NXPH1: variants seen among roughly 807,000 people sequenced by gnomAD.
NXPH1 encodes neurexophilin 1.
In NXPH1, 5 loss-of-function variants were observed where a neutral mutation model predicts 23.7. That is an observed-to-expected ratio of 0.21 (90% CI 0.11 to 0.44). NXPH1 has a LOEUF of 0.44. Ranked by LOEUF, NXPH1 falls within the 20% of genes least tolerant of loss-of-function variation. The pLI, the probability that NXPH1 is intolerant of heterozygous loss-of-function variation, is 0.99. For missense variants in NXPH1, 324 were observed against 321.6 expected (o/e 1.01, Z -0.06); for synonymous variants, 144 against 122.2 (o/e 1.18, Z -1.18).
chr7:8,437,347 A>AT (rs554204847), intron 2 of NXPH1, among the ~76,000 whole-genome samples: 19 of 124,504 alleles, frequency 1.5e-4, no homozygotes, highest in African/African-American at 4.3e-4. Context: ...GAAATATAGA[A>AT]TTTTTTTATT....
chr7:8,706,611 G>C (rs1779711061), intron 2 of NXPH1, among the ~76,000 whole-genome samples: 1 of 152,144 alleles, frequency 6.6e-6, no homozygotes, highest in Admixed American at 6.5e-5. Context: ...GTTGTCAGTT[G>C]GCCTCTCTCC....
rs1816144122 is a variant in NXPH1 at position 8,434,022 on chromosome 7, G to C, written c.-844G>C. 1 of 152,218 alleles carries C rather than the reference G, an allele frequency of 6.6e-6. No homozygotes were observed. The highest frequency in any genetic ancestry group is 6.5e-5 in the Admixed American group (1 of 15,278). 9.4% of individuals were successfully genotyped at this position (152,218 alleles called of 1,614,324 possible). ...GCTCTGCGGAGAAACCACGACCACC[G>C]CGGCCGCCGGAAACCCAAAGCGCTC... On this transcript the variant is annotated 5_prime_UTR_variant, in exon 1 of 3. Transcript: ENST00000405863. The surrounding 1 kb of genome is among the most constrained non-coding windows in gnomAD (Gnocchi z 7.6).
At chr7:8,557,277 A>AAACAAC (rs56699161) in intron 2 of NXPH1, among the ~76,000 whole-genome samples, 37 of 151,104 alleles carry the variant, frequency 2.4e-4, no homozygotes, top group East Asian at 7.8e-4. Flanking sequence ...TTAAGTGTTA[A>AAACAAC]AACAACAACA....
Position 8,450,963 on chromosome 7 carries a change from GATTT to G in NXPH1, c.54+15203_54+15206del, listed in dbSNP as rs567173513. Among the ~76,000 whole-genome samples, 357 of 152,270 alleles carry G rather than the reference GATTT, an allele frequency of 2.3e-3. 1 individual carries two copies. Among genetic ancestry groups the G allele is most frequent in the Middle Eastern group, 0.01 (3 of 294 alleles). On this transcript the variant is annotated intron_variant, in intron 2 of 2. Transcript: ENST00000405863. The stretch of plus-strand genomic sequence containing the variant: ...ATAAACCTTTTAGCACTTCATTGTA[GATTT>G]ATTTATAGAATGTGTGCTTTCAACT...
At chr7:8,468,038 GATCC>G in intron 2 of NXPH1, among the ~76,000 whole-genome samples, 1 of 152,182 alleles carries the variant, frequency 6.6e-6, no homozygotes, top group Admixed American at 6.5e-5. Flanking sequence ...AAAAATTTGT[GATCC>G]ATCCATACTC....
intron 2 of NXPH1, among the ~76,000 whole-genome samples, chr7:8,615,575 T>G (rs1416849174): frequency 6.6e-6 from 1 of 152,064 alleles, no homozygotes; most frequent in Non-Finnish European, 1.5e-5. Context: ...ATTGCCTCAT[T>G]TTGGAACAAT....
At position 8,717,894 on chromosome 7, in the gene NXPH1, G is replaced by GTGTATA. The variant is rs71545892; in HGVS notation, c.55-33113_55-33112insGTATAT. Among the ~76,000 whole-genome samples the GTGTATA allele has an allele frequency of 2.1e-3, 306 of 147,174 alleles. 1 individual carries two copies. The highest frequency in any genetic ancestry group is 5.7e-3 in the African/African-American group (228 of 39,996). The stretch of plus-strand genomic sequence containing the variant: ...TGTGGGTGTATTCTTCTCTCTGTGT[G>GTGTATA]TATATATATATATATATACACAACA... On this transcript the variant is annotated intron_variant, in intron 2 of 2. Coordinates refer to ENST00000405863, the MANE Select transcript of NXPH1 (RefSeq NM_152745.3).
intron 2 of NXPH1, among the ~76,000 whole-genome samples, chr7:8,477,857 C>A (rs1386347972): frequency 1.3e-5 from 2 of 152,120 alleles, no homozygotes. Flanking sequence ...ACCACGTAAG[C>A]TGATTGTCCA....
Position 8,751,574 on chromosome 7 carries a change from C to T in NXPH1, c.621C>T (p.Asn207=). 1 of 1,613,484 alleles carries T rather than the reference C, an allele frequency of 6.2e-7. No individual in the cohort carries two copies. The highest frequency in any genetic ancestry group is 8.5e-7 in the Non-Finnish European group (1 of 1,179,712). The part of the protein sequence containing the change: ...EYEKVDKATK[N]TLCNYDPSKT... ...AAAAGGTTGACAAGGCTACCAAGAA[C>T]ACACTCTGCAACTATGACCCTTCAA... The change falls in exon 3 of 3, where the codon AAC becomes AAT. Residue 207 remains asparagine, a synonymous_variant. Coordinates refer to ENST00000405863, the MANE Select transcript of NXPH1 (RefSeq NM_152745.3). This position sits in a 1 kb window ranked among gnomAD's most constrained non-coding sequence, Gnocchi z 4.5.
At chr7:8,476,133 A>G (rs1486215766) in intron 2 of NXPH1, among the ~76,000 whole-genome samples, 1 of 152,104 alleles carries the variant, frequency 6.6e-6, no homozygotes, top group African/African-American at 2.4e-5. Flanking sequence ...GCCCTTTTCT[A>G]AATCTGAAAA....
rs1367356783 is a variant in NXPH1, at chr7:8,442,683, C to A, written c.54+6916C>A. Among the ~76,000 whole-genome samples, 1 of 152,232 alleles carries A rather than the reference C, an allele frequency of 6.6e-6. No individual in the cohort carries two copies. The highest frequency in any genetic ancestry group is 6.5e-5 in the Admixed American group (1 of 15,286). On this transcript the variant is annotated intron_variant, in intron 2 of 2. Transcript: ENST00000405863. The surrounding 1 kb of genome is among the most constrained non-coding windows in gnomAD (Gnocchi z 4.6). Reference sequence around the variant, plus strand: ...TGTTCAGGCCCCGGGGTTTCCCAGCCGTAGTGGCCGCCGCCACAGCTGCGC... The same window carrying A: ...TGTTCAGGCCCCGGGGTTTCCCAGCAGTAGTGGCCGCCGCCACAGCTGCGC...
chr7:8,493,910 G>A (rs113107928), intron 2 of NXPH1, among the ~76,000 whole-genome samples: 8 of 152,108 alleles, frequency 5.3e-5, no homozygotes, highest in African/African-American at 1.9e-4. Flanking sequence ...AGATCCATGG[G>A]ATGGGATATT....
intron 2 of NXPH1, among the ~76,000 whole-genome samples, chr7:8,749,923 T>C (rs752068643): frequency 7.9e-5 from 12 of 152,166 alleles, no homozygotes; most frequent in Non-Finnish European, 1.5e-4. Context: ...TTGTGGCCAC[T>C]GGTTCTTCTG....
intron 2 of NXPH1, among the ~76,000 whole-genome samples, chr7:8,439,308 A>AT (rs946415046): frequency 6.6e-6 from 1 of 152,142 alleles, no homozygotes; most frequent in African/African-American, 2.4e-5. Context: ...AATCAGCCTC[A>AT]TTGGATCAAG....
intron 2 of NXPH1, among the ~76,000 whole-genome samples, chr7:8,617,155 T>C (rs77802422): frequency 3.9e-5 from 6 of 152,068 alleles, no homozygotes; most frequent in African/African-American, 1.2e-4. Flanking sequence ...CATCCTACAA[T>C]GCGCAGAACA....
intron 2 of NXPH1, among the ~76,000 whole-genome samples, chr7:8,639,740 C>T (rs1820276741): frequency 6.6e-6 from 1 of 152,164 alleles, no homozygotes; most frequent in South Asian, 2.1e-4. Context: ...ATGCTGTTCT[C>T]ATGATTGTGA....
chr7:8,599,428 A>G (rs911431366), intron 2 of NXPH1, among the ~76,000 whole-genome samples: 1 of 152,158 alleles, frequency 6.6e-6, no homozygotes, highest in Non-Finnish European at 1.5e-5. Flanking sequence ...TGAAAATCTC[A>G]TTCTCATCCT....
intron 2 of NXPH1, among the ~76,000 whole-genome samples, chr7:8,686,787 C>T (rs965093438): frequency 2.6e-5 from 4 of 152,164 alleles, no homozygotes; most frequent in African/African-American, 4.8e-5. Context: ...TAGGTTCCTT[C>T]AAACCAACTT....
chr7:8,712,212 C>T (rs1779809096), intron 2 of NXPH1, among the ~76,000 whole-genome samples: 1 of 152,116 alleles, frequency 6.6e-6, no homozygotes, highest in Non-Finnish European at 1.5e-5. Context: ...GTGTTGAACT[C>T]GGTATGTTTA....
Sources: gnomAD v4.1 joint callset for allele counts (sites outside exome capture counted in the v4.1 genomes callset) on GRCh38, gnomAD v4.1.1 for gene constraint, Gnocchi (gnomAD v3.1) non-coding constraint, MANE v1.5 for transcripts, NCBI Gene and HGNC (gene_info 2026-07-23, HGNC 2026-07-21) for gene names.